FMO4: variants seen among roughly 807,000 people sequenced by gnomAD.
FMO4 encodes the protein dimethylaniline monooxygenase [N-oxide-forming] 4.
FMO4 carries 38 observed loss-of-function variants against 43.3 expected under a neutral mutation model. The observed-to-expected ratio is 0.88, with a 90% CI of 0.68 to 1.15. The LOEUF is 1.15. Ranked by LOEUF, FMO4 falls within the 50% of genes most tolerant of loss-of-function variation. The probability of loss-of-function intolerance (pLI) is 0.00; values close to 1 mark genes in which losing one functional copy is unlikely to be tolerated. For missense variants in FMO4, 631 were observed against 663.3 expected, an observed-to-expected ratio of 0.95 and a Z score of 0.54; for synonymous variants, 224 against 232.2, an observed-to-expected ratio of 0.96 and a Z score of 0.32.
At position 171,323,012 on chromosome 1, in the gene FMO4, C is replaced by T; in HGVS notation, c.141C>T (p.Ser47=). The T allele has an allele frequency of 1.2e-6, 2 of 1,612,340 alleles. No homozygotes were observed. The highest frequency in any genetic ancestry group is 1.1e-5 in the South Asian group (1 of 90,884). ...IGGLWKFTES[S]KDGMTRVYKS... is the part of the protein sequence containing the mutation. ...CTATGCCTTCACCACAGGAATCTTC[C>T]AAAGATGGGATGACCAGGGTCTATA... is the stretch of plus-strand genomic sequence containing the variant. Residue 47 remains serine (S), a synonymous_variant, in exon 4 of 10, where the codon TCC becomes TCT. Transcript: ENST00000367749.
At chr1:171,329,946 G>C (rs533511207) in intron 5 of FMO4, among the ~76,000 whole-genome samples, 34 of 152,274 alleles carry the variant, frequency 2.2e-4, no homozygotes, top group African/African-American at 7.2e-4. Context: ...TCTACTTCTT[G>C]CCCAGGATGT....
Position 171,341,688 on chromosome 1 carries a change from C to T in FMO4, c.1526C>T (p.Ala509Val). The change falls in exon 10 of 10, where the codon GCC becomes GTC. Residue 509 changes from alanine (A) to valine (V), a missense_variant. By Grantham distance (64) the Ala-to-Val change is moderately conservative. Coordinates refer to ENST00000367749, the MANE Select transcript of FMO4 (RefSeq NM_002022.3). ...TRIVPDSSKP[A>V]SMSHYLKAWG... ...ATTGTCCCTGATTCCTCCAAGCCTG[C>T]CTCCATGTCACATTATTTAAAAGCC... 1 of 1,613,932 alleles carries T rather than the reference C, an allele frequency of 6.2e-7. No homozygotes were observed. The highest frequency in any genetic ancestry group is 8.5e-7 in the Non-Finnish European group (1 of 1,179,992).
In FMO4 at chr1:171,337,426, G is replaced by A; in HGVS notation, c.1250+1G>A. 1 of 1,602,374 alleles carries A rather than the reference G, an allele frequency of 6.2e-7. No homozygotes were observed. The highest frequency in any genetic ancestry group is 8.6e-7 in the Non-Finnish European group (1 of 1,169,440). ...CTGAAAAGGAACAGCTCATTAAAAGGTATGAAATGTAGCTTGCTCTAGGGC... is the reference window on the plus strand; with the variant it reads ...CTGAAAAGGAACAGCTCATTAAAAGATATGAAATGTAGCTTGCTCTAGGGC... On this transcript the variant is annotated splice_donor_variant, in intron 9 of 9. Coordinates refer to ENST00000367749, the MANE Select transcript of FMO4 (RefSeq NM_002022.3). LOFTEE classifies it high-confidence loss of function.
intron 5 of FMO4, among the ~76,000 whole-genome samples, chr1:171,325,003 C>T (rs957630742): frequency 2.6e-5 from 4 of 152,056 alleles, no homozygotes; most frequent in African/African-American, 9.7e-5. Context: ...AGCTACTCAG[C>T]AGGCTGAGGC....
chr1:171,340,946 G>A (rs1663349107), intron 9 of FMO4, among the ~76,000 whole-genome samples: 1 of 151,968 alleles, frequency 6.6e-6, no homozygotes, highest in Non-Finnish European at 1.5e-5. Context: ...TTGTAATTGT[G>A]TAAAAAATGG....
intron 2 of FMO4, among the ~76,000 whole-genome samples, chr1:171,317,048 C>T (rs925047661): frequency 3.9e-5 from 6 of 152,282 alleles, no homozygotes; most frequent in South Asian, 2.1e-4. Context: ...GGCTTAGTGA[C>T]GGGAACCACA....
At chr1:171,319,785 A>T in intron 2 of FMO4, 33 bp from the exon 3 acceptor site, 1 of 1,604,164 alleles carries the variant, frequency 6.2e-7, no homozygotes, top group Non-Finnish European at 8.5e-7. Flanking sequence ...AACTTATTAA[A>T]TAAAGAAGTT....
chr1:171,341,539 G>A lies in FMO4; in HGVS notation c.1377G>A (p.Trp459Ter). ...TCCTCAAGGATCCCAGACTAGCTTG[G>A]GAAGTTTTCTTTGGACCATGTACTC... ...LLFLKDPRLA[W>*]EVFFGPCTPY... is the part of the protein sequence containing the mutation. Residue 459 changes from tryptophan to a stop codon, truncating the protein, a stop_gained, in exon 10 of 10, where the codon TGG becomes TGA. Transcript: ENST00000367749. LOFTEE classifies it low-confidence loss of function (END_TRUNC). 1 of 1,614,040 alleles carries A rather than the reference G, an allele frequency of 6.2e-7. No homozygotes were observed. Among genetic ancestry groups the A allele is most frequent in the South Asian group, 1.1e-5 (1 of 91,080 alleles).
In FMO4 at chr1:171,318,316, A is replaced by AAATAATAATAATAATAATAAT. The variant is rs536741358; in HGVS notation, c.-8-1494_-8-1474dup. ...TGGGTGACAGAGCAAGACTGTCTCA[A>AAATAATAATAATAATAATAAT]AATAATAATAATAATAATAATAATA... On this transcript the variant is annotated intron_variant, in intron 2 of 9. Coordinates refer to ENST00000367749, the MANE Select transcript of FMO4 (RefSeq NM_002022.3). 4.7e-3 allele frequency among the ~76,000 whole-genome samples: 702 copies of AAATAATAATAATAATAATAAT among 149,024 alleles called. 10 individuals are homozygous for AAATAATAATAATAATAATAAT. Among genetic ancestry groups the AAATAATAATAATAATAATAAT allele is most frequent in the African/African-American group, 0.017 (659 of 39,864 alleles).
intron 8 of FMO4, among the ~76,000 whole-genome samples, chr1:171,336,374 G>C (rs1663114643): frequency 6.6e-6 from 1 of 152,106 alleles, no homozygotes; most frequent in Non-Finnish European, 1.5e-5. Flanking sequence ...GACAACTGCA[G>C]AGAATTATCA....
Position 171,331,741 on chromosome 1 carries a change from G to A in FMO4, c.586G>A (p.Gly196Arg), listed in dbSNP as rs781456535. 6.2e-7 allele frequency: 1 copy of A among 1,613,948 alleles called. No homozygotes were observed. Among genetic ancestry groups the A allele is most frequent in the Non-Finnish European group, 8.5e-7 (1 of 1,179,884 alleles). The part of the protein sequence containing the change: ...RVLVIGLGNT[G>R]GDIAVELSRT... ...CTTGGTGATTGGTCTTGGGAACACT[G>A]GAGGAGACATTGCTGTGGAACTCAG... The change falls in exon 6 of 10, where the codon GGA becomes AGA. Residue 196 changes from glycine (G) to arginine (R), a missense_variant. Physicochemically the swap from Gly to Arg is moderately radical, Grantham distance 125 (BLOSUM62 -2). Coordinates refer to ENST00000367749, the MANE Select transcript of FMO4 (RefSeq NM_002022.3).
Position 171,319,854 on chromosome 1 carries a change from C to G in FMO4, c.29C>G (p.Ala10Gly), listed in dbSNP as rs746606362. The change falls in exon 3 of 10, where the codon GCT becomes GGT. Residue 10 changes from alanine (A) to glycine (G), a missense_variant. Physicochemically the swap from Ala to Gly is moderately conservative, Grantham distance 60 (BLOSUM62 0). Coordinates refer to ENST00000367749, the MANE Select transcript of FMO4 (RefSeq NM_002022.3). The part of the protein sequence containing the change: MAKKVAVIG[A>G]GVSGLSSIKC... ...GCCAAGAAAGTTGCAGTGATTGGAG[C>G]TGGTGTGAGTGGCCTCTCCTCCATC... 1.9e-6 allele frequency: 3 copies of G among 1,613,724 alleles called. No individual in the cohort carries two copies. Among genetic ancestry groups the G allele is most frequent in the Non-Finnish European group, 2.5e-6 (3 of 1,179,760 alleles).
At chr1:171,327,186 G>T (rs1189263254) in intron 5 of FMO4, among the ~76,000 whole-genome samples, 1 of 152,118 alleles carries the variant, frequency 6.6e-6, no homozygotes, top group Non-Finnish European at 1.5e-5. Flanking sequence ...CCACTTCTTG[G>T]AAACTTCTTC....
rs573543409 is a variant in FMO4 at position 171,336,918 on chromosome 1, T to C, written c.1181-438T>C. On this transcript the variant is annotated intron_variant, in intron 8 of 9. Coordinates refer to ENST00000367749, the MANE Select transcript of FMO4 (RefSeq NM_002022.3). ...TGACCAGCCTAAAATGGGGTCATTT[T>C]AAGTGTTTACATCTAACCAACTAAT... Among the ~76,000 whole-genome samples the C allele has an allele frequency of 1.3e-3, 204 of 152,240 alleles. 3 individuals carry two copies. The highest frequency in any genetic ancestry group is 4.9e-4 in the Non-Finnish European group (33 of 68,014).
intron 3 of FMO4, among the ~76,000 whole-genome samples, chr1:171,322,640 G>A (rs961371208): frequency 7.2e-5 from 11 of 152,030 alleles, no homozygotes; most frequent in African/African-American, 2.2e-4. Flanking sequence ...ATCACTTGAC[G>A]CCAGGAGTTA....
chr1:171,332,316 T>C lies in FMO4; in HGVS notation c.628-393T>C, dbSNP rs180784051. Reference sequence around the variant, plus strand: ...ATTAGAAATCTATTGCACTTTAGCATAAATTAAAGGAAAATGATTAGATCT... The same window carrying C: ...ATTAGAAATCTATTGCACTTTAGCACAAATTAAAGGAAAATGATTAGATCT... On this transcript the variant is annotated intron_variant, in intron 6 of 9. Coordinates refer to ENST00000367749, the MANE Select transcript of FMO4 (RefSeq NM_002022.3). Among the ~76,000 whole-genome samples the C allele has an allele frequency of 1.0e-3, 158 of 152,314 alleles. 1 individual carries two copies. Among genetic ancestry groups the C allele is most frequent in the Non-Finnish European group, 1.5e-3 (103 of 68,008 alleles).
At chr1:171,325,867 A>G (rs1438533025) in intron 5 of FMO4, among the ~76,000 whole-genome samples, 1 of 25,462 alleles carries the variant, frequency 3.9e-5, no homozygotes, top group East Asian at 1.8e-3. Context: ...TTTTTTTTTG[A>G]GACAGGGTCT....
In FMO4 at chr1:171,334,577, T is replaced by C; in HGVS notation, c.994T>C (p.Phe332Leu). 1.9e-6 allele frequency: 3 copies of C among 1,613,876 alleles called. No individual in the cohort carries two copies. Among genetic ancestry groups the C allele is most frequent in the Non-Finnish European group, 1.7e-6 (2 of 1,179,828 alleles). Reference sequence around the variant, plus strand: ...TGTGATCTTCACTACAGGATATACATTTTCTTTTCCATTTTTTGAAGAACC... The same window carrying C: ...TGTGATCTTCACTACAGGATATACACTTTCTTTTCCATTTTTTGAAGAACC... ...DVVIFTTGYT[F>L]SFPFFEEPLK... The change falls in exon 8 of 10, where the codon TTT becomes CTT. Residue 332 changes from phenylalanine (F) to leucine (L), a missense_variant. Physicochemically the swap from Phe to Leu is conservative, Grantham distance 22. Transcript: ENST00000367749.
intron 5 of FMO4, among the ~76,000 whole-genome samples, chr1:171,324,679 G>A (rs1056867615): frequency 6.6e-6 from 1 of 151,896 alleles, no homozygotes; most frequent in Non-Finnish European, 1.5e-5. Flanking sequence ...GAGAGTATAT[G>A]ATTTTTTTTT....
Sources: allele counts gnomAD v4.1 joint callset (sites outside exome capture counted in the v4.1 genomes callset), GRCh38; gene constraint gnomAD v4.1.1; transcripts MANE v1.5; gene names NCBI Gene and HGNC (gene_info 2026-07-23, HGNC 2026-07-21).